Variants in INVS observed in about 807,000 individuals in gnomAD.
INVS encodes inversin, also known as inversion of embryo turning homolog.
In INVS, 86 loss-of-function variants were observed where a neutral mutation model predicts 108.8. The ratio of observed to expected loss-of-function variants is 0.79; its 90% CI spans 0.66 to 0.95. The LOEUF (loss-of-function observed/expected upper bound fraction) is 0.95, where lower values mean the gene tolerates loss of function less well. Ranked by LOEUF, INVS falls within the 40% of genes least tolerant of loss-of-function variation. INVS has a pLI of 0.00. For missense variants in INVS, 1,169 were observed against 1,297.4 expected (o/e 0.90, Z 1.52); for synonymous variants, 455 against 473.5 (o/e 0.96, Z 0.51).
chr9:100,152,660 G>A (rs2118985715), intron 3 of INVS, among the ~76,000 whole-genome samples: 1 of 151,980 alleles, frequency 6.6e-6, no homozygotes, highest in Non-Finnish European at 1.5e-5. Flanking sequence ...TATGTATCAG[G>A]CATTACACTA....
chr9:100,099,779 G>A (rs1196343798), intron 1 of INVS, among the ~76,000 whole-genome samples: 1 of 152,164 alleles, frequency 6.6e-6, no homozygotes, highest in African/African-American at 2.4e-5. Context: ...CAAAGCAGTC[G>A]AGGATCCTAA....
chr9:100,166,472 G>A (rs539148068), intron 3 of INVS, among the ~76,000 whole-genome samples: 42 of 152,186 alleles, frequency 2.8e-4, no homozygotes, highest in Non-Finnish European at 3.8e-4. Context: ...GCTGGGAGCC[G>A]TGCTCCCACC....
At chr9:100,182,186 A>G (rs1829910172) in intron 3 of INVS, among the ~76,000 whole-genome samples, 1 of 152,198 alleles carries the variant, frequency 6.6e-6, no homozygotes, top group South Asian at 2.1e-4. Flanking sequence ...AGACAATACC[A>G]TTCAGGACAG....
At chr9:100,222,874 G>T (rs1045754708) in intron 3 of INVS, among the ~76,000 whole-genome samples, 4 of 150,218 alleles carry the variant, frequency 2.7e-5, no homozygotes, top group Non-Finnish European at 4.4e-5. Context: ...AGAGCAGGGT[G>T]CCCTCTTGAG....
chr9:100,233,301 A>G (rs1831571509), intron 5 of INVS, among the ~76,000 whole-genome samples: 5 of 152,212 alleles, frequency 3.3e-5, no homozygotes, highest in South Asian at 4.1e-4. Flanking sequence ...TAAATACACA[A>G]TCATGTCATC....
rs10527613 is a variant in INVS, at chr9:100,301,139, TCACACACACACA to T, written c.*494_*505del. On this transcript the variant is annotated 3_prime_UTR_variant, in exon 17 of 17. Coordinates refer to ENST00000262457, the MANE Select transcript of INVS (RefSeq NM_014425.5). ...CCTGGCATCTAATGCAACAAACTTA[TCACACACACACA>T]CACACACACACACACACACACACAC... 14 of 167,898 alleles carry T rather than the reference TCACACACACACA, an allele frequency of 8.3e-5. No homozygotes were observed. Among genetic ancestry groups the T allele is most frequent in the South Asian group, 4.1e-4 (4 of 9,708 alleles). 10.4% of individuals were successfully genotyped at this position (167,898 alleles called of 1,614,324 possible). A position where few individuals can be genotyped will look rare whatever the true frequency, so the allele number is the denominator to read the frequency against.
chr9:100,149,595 T>G (rs187552715), intron 3 of INVS, among the ~76,000 whole-genome samples: 1 of 152,346 alleles, frequency 6.6e-6, no homozygotes, highest in East Asian at 1.9e-4. Flanking sequence ...TTCAGATATT[T>G]AGGATCTTAT....
intron 3 of INVS, among the ~76,000 whole-genome samples, chr9:100,145,626 T>C (rs1273010866): frequency 6.7e-6 from 1 of 150,324 alleles, no homozygotes; most frequent in Non-Finnish European, 1.5e-5. Context: ...AGAGAAGGAG[T>C]TGGGAGGTTC....
chr9:100,298,174 A>G (rs1221843319), intron 16 of INVS, 164 bp downstream of exon 16: 2 of 1,521,670 alleles, frequency 1.3e-6, no homozygotes, highest in Non-Finnish European at 1.8e-6. Context: ...TGTCTCCCTA[A>G]GAGGCAAATT....
intron 3 of INVS, among the ~76,000 whole-genome samples, chr9:100,207,609 A>G (rs1320555282): frequency 1.3e-5 from 2 of 152,116 alleles, no homozygotes; most frequent in African/African-American, 4.8e-5. Context: ...GTTATTTTTA[A>G]AACCACTGCT....
chr9:100,117,795 A>G, intron 2 of INVS: 1 of 468,874 alleles, frequency 2.1e-6, no homozygotes, highest in Non-Finnish European at 3.7e-6. Context: ...CCTAACCCTC[A>G]ATGTGATGAT....
rs913821049 is a variant in INVS at position 100,302,001 on chromosome 9, G to C, written c.*1327G>C. On this transcript the variant is annotated 3_prime_UTR_variant, in exon 17 of 17. Coordinates refer to ENST00000262457, the MANE Select transcript of INVS (RefSeq NM_014425.5). The stretch of plus-strand genomic sequence containing the variant: ...GCCTATGACCATGTATCGTGTGCTA[G>C]TCCGGGAAGCCAGCCTACACATCAA... The C allele has an allele frequency of 4.3e-6, 2 of 462,738 alleles. No homozygotes were observed. Among genetic ancestry groups the C allele is most frequent in the East Asian group, 6.3e-5 (2 of 31,836 alleles). The allele number at this position is 462,738 out of a possible 1,614,324, so 28.7% of individuals were successfully genotyped here.
intron 2 of INVS, among the ~76,000 whole-genome samples, chr9:100,125,681 A>ATTTT (rs68122542): frequency 1.0e-5 from 1 of 99,020 alleles, no homozygotes; most frequent in Non-Finnish European, 2.0e-5. Flanking sequence ...ATCAACTGTG[A>ATTTT]TTTTTTTTTT....
chr9:100,195,640 A>C (rs572194026), intron 3 of INVS, among the ~76,000 whole-genome samples: 2 of 152,164 alleles, frequency 1.3e-5, no homozygotes, highest in African/African-American at 4.8e-5. Flanking sequence ...GCTCCGCACC[A>C]CCACACCTGG....
intron 1 of INVS, chr9:100,102,853 T>G (rs1026143717): frequency 1.3e-5 from 2 of 152,254 alleles, no homozygotes; most frequent in Non-Finnish European, 2.9e-5. Context: ...AAAATAGTTT[T>G]TTAACTAATT....
intron 7 of INVS, 141 bp from the exon 8 acceptor site, chr9:100,246,475 T>C (rs1412045657): frequency 3.1e-6 from 2 of 651,416 alleles, no homozygotes; most frequent in African/African-American, 1.8e-5. Context: ...CTGTCATTAA[T>C]AAAAAGATAA....
intron 3 of INVS, among the ~76,000 whole-genome samples, chr9:100,213,113 T>G (rs1028326370): frequency 4.0e-5 from 6 of 150,632 alleles, no homozygotes; most frequent in African/African-American, 1.5e-4. Context: ...ATCCCATTTA[T>G]GAGCTCCACC....
At chr9:100,225,054 GT>G (rs1831269235) in intron 3 of INVS, among the ~76,000 whole-genome samples, 1 of 149,478 alleles carries the variant, frequency 6.7e-6, no homozygotes, top group African/African-American at 2.5e-5. Context: ...TCCAAACTTG[GT>G]TTTTTTGTTT....
At position 100,264,944 on chromosome 9, in the gene INVS, CTT is replaced by C. The variant is rs746060368; in HGVS notation, c.1571+31_1571+32del. 8.1e-3 allele frequency: 9,784 copies of C among 1,206,184 alleles called. No homozygotes were observed. Among genetic ancestry groups the C allele is most frequent in the Non-Finnish European group, 9.5e-3 (8,112 of 855,076 alleles). The allele number at this position is 1,206,184 out of a possible 1,614,324, so 74.7% of individuals were successfully genotyped here. On this transcript the variant is annotated intron_variant, in intron 11 of 16. Coordinates refer to ENST00000262457, the MANE Select transcript of INVS (RefSeq NM_014425.5). ...ATGAAGAGAGGTAAGTTGTTGTTGACTTTTTTTTTTTTTTTTGAGATGGCTTC... is the reference window on the plus strand; with the variant it reads ...ATGAAGAGAGGTAAGTTGTTGTTGACTTTTTTTTTTTTTTGAGATGGCTTC...
Sources: gnomAD v4.1 joint callset for allele counts (sites outside exome capture counted in the v4.1 genomes callset) on GRCh38, gnomAD v4.1.1 for gene constraint, MANE v1.5 for transcripts, NCBI Gene and HGNC (gene_info 2026-07-23, HGNC 2026-07-21) for gene names.